Variants in SAMSN1 observed in about 807,000 individuals in gnomAD.
SAMSN1 encodes the protein SAM domain-containing protein SAMSN-1.
A neutral mutation model predicts 42.0 loss-of-function variants in SAMSN1; 31 were observed. The ratio of observed to expected loss-of-function variants is 0.74; its 90% CI spans 0.55 to 1.00. The LOEUF is 1.00. Ranked by LOEUF, SAMSN1 falls within the 50% of genes least tolerant of loss-of-function variation. The pLI is 0.00. For missense variants in SAMSN1, 464 were observed against 439.4 expected, an observed-to-expected ratio of 1.06 and a Z score of -0.50; for synonymous variants, 178 against 151.9, an observed-to-expected ratio of 1.17 and a Z score of -1.26.
At chr21:14,563,219 C>G (rs1224891814) in intron 2 of SAMSN1, among the ~76,000 whole-genome samples, 1 of 152,198 alleles carries the variant, frequency 6.6e-6, no homozygotes, top group Non-Finnish European at 1.5e-5. Flanking sequence ...AATTTAACAA[C>G]TGTAAGATAT....
At chr21:14,658,766 A>G (rs1390579799) in exon 1 of SAMSN1, 12 of 715,508 alleles carry the variant, frequency 1.7e-5, no homozygotes, top group Non-Finnish European at 3.1e-5. Flanking sequence ...TGCAGAAAAG[A>G]TTCATTTTGA....
intron 2 of SAMSN1, among the ~76,000 whole-genome samples, chr21:14,565,047 C>T (rs1246049381): frequency 2.6e-5 from 4 of 152,162 alleles, no homozygotes; most frequent in Middle Eastern, 3.4e-3. Flanking sequence ...GTAATCCCAG[C>T]ACTTTGGGAG....
intron 1 of SAMSN1, among the ~76,000 whole-genome samples, chr21:14,531,675 A>G (rs1248990869): frequency 6.6e-6 from 1 of 152,154 alleles, no homozygotes; most frequent in Non-Finnish European, 1.5e-5. Flanking sequence ...AATTCCAGTC[A>G]CTCCAGATTT....
chr21:14,625,888 G>C (rs1000120253), intron 2 of SAMSN1, among the ~76,000 whole-genome samples: 2 of 152,126 alleles, frequency 1.3e-5, no homozygotes, highest in Non-Finnish European at 2.9e-5. Flanking sequence ...ATACTACAAG[G>C]CTACAGTAAC....
chr21:14,577,267 TATATATATATA>T (rs1568816128), intron 2 of SAMSN1, among the ~76,000 whole-genome samples: 1,604 of 52,814 alleles, frequency 0.03, 104 homozygotes, highest in Non-Finnish European at 0.039. Context: ...TATATATATA[TATATATATATA>T]TATATATTTT....
chr21:14,611,083 G>GATAGGCACAT (rs1982694337), intron 4 of SAMSN1, among the ~76,000 whole-genome samples: 1 of 150,862 alleles, frequency 6.6e-6, no homozygotes, highest in Admixed American at 6.6e-5. Context: ...GTGCCACCAG[G>GATAGGCACAT]ATAGGCACAT....
At chr21:14,649,367 T>C (rs1256881207) in intron 1 of SAMSN1, among the ~76,000 whole-genome samples, 2 of 151,960 alleles carry the variant, frequency 1.3e-5, no homozygotes, top group Non-Finnish European at 2.9e-5. Context: ...GGCACATGTA[T>C]ACATATGTAA....
chr21:14,611,946 T>G (rs1344006851), intron 4 of SAMSN1, among the ~76,000 whole-genome samples: 2 of 152,012 alleles, frequency 1.3e-5, no homozygotes, highest in Non-Finnish European at 2.9e-5. Context: ...TTAAAAAAAA[T>G]TATTGAGGCC....
At chr21:14,527,926 C>T (rs916420728) in intron 1 of SAMSN1, among the ~76,000 whole-genome samples, 5 of 152,038 alleles carry the variant, frequency 3.3e-5, no homozygotes, top group Admixed American at 3.3e-4. Context: ...GTAAGTCATG[C>T]TACACTTCTG....
chr21:14,536,050 T>G (rs1429039851), intron 1 of SAMSN1, among the ~76,000 whole-genome samples: 1 of 152,218 alleles, frequency 6.6e-6, no homozygotes, highest in Non-Finnish European at 1.5e-5. Context: ...CTGCTATTAG[T>G]AATCAATTCT....
chr21:14,526,881 A>T (rs1369969183), intron 1 of SAMSN1, among the ~76,000 whole-genome samples: 1 of 152,166 alleles, frequency 6.6e-6, no homozygotes, highest in African/African-American at 2.4e-5. Context: ...TCTGAATCAA[A>T]CTTGTGATCA....
At position 14,500,518 on chromosome 21, in the gene SAMSN1, G is replaced by A. The variant is rs1987101997; in HGVS notation, c.768+11C>T. ...TGCTTCCAAAAGCAAACAGAACACA[G>A]ATTTGCTCACCTGCAGATGAATCCT... On this transcript the variant is annotated intron_variant, in intron 6 of 7. Coordinates refer to ENST00000400566, the MANE Select transcript of SAMSN1 (RefSeq NM_022136.5). 6.2e-7 allele frequency: 1 copy of A among 1,610,876 alleles called. No homozygotes were observed. Among genetic ancestry groups the A allele is most frequent in the Non-Finnish European group, 8.5e-7 (1 of 1,177,162 alleles).
chr21:14,593,071 C>A (rs893478565), intron 7 of SAMSN1, among the ~76,000 whole-genome samples: 3 of 152,070 alleles, frequency 2.0e-5, no homozygotes, highest in Non-Finnish European at 4.4e-5. Context: ...TCCTACCTAG[C>A]ACAACTTAGA....
intron 1 of SAMSN1, among the ~76,000 whole-genome samples, chr21:14,534,157 G>A (rs1221365220): frequency 6.6e-6 from 1 of 152,122 alleles, no homozygotes; most frequent in African/African-American, 2.4e-5. Context: ...ACTATCTTCT[G>A]GAGTAGACTA....
At chr21:14,586,837 C>A (rs770417305), upstream of SAMSN1, among the ~76,000 whole-genome samples, 1 of 152,126 alleles carries the variant, frequency 6.6e-6, no homozygotes, top group Non-Finnish European at 1.5e-5. Flanking sequence ...CTGAGACTTG[C>A]ATTGGAGAAA....
At chr21:14,497,967 A>G (rs927457734) in intron 7 of SAMSN1, among the ~76,000 whole-genome samples, 9 of 152,238 alleles carry the variant, frequency 5.9e-5, no homozygotes, top group African/African-American at 2.2e-4. Flanking sequence ...AAGCTATTAT[A>G]ACATTTTGAA....
At chr21:14,561,224 A>G (rs559905545) in intron 2 of SAMSN1, among the ~76,000 whole-genome samples, 57 of 152,040 alleles carry the variant, frequency 3.7e-4, no homozygotes, top group African/African-American at 1.3e-3. Context: ...CCCGAGGACC[A>G]TTTTCAACAC....
intron 1 of SAMSN1, among the ~76,000 whole-genome samples, chr21:14,536,664 A>T (rs985534318): frequency 2.0e-5 from 3 of 152,148 alleles, no homozygotes; most frequent in Non-Finnish European, 2.9e-5. Context: ...ATAAAATCCA[A>T]TGGAAAATTA....
intron 1 of SAMSN1, 139 bp downstream of exon 1, chr21:14,546,066 G>T (rs901729575): frequency 3.0e-6 from 2 of 673,800 alleles, no homozygotes; most frequent in South Asian, 2.1e-5. Context: ...TAATTTTTCC[G>T]TATTTGCCAT....
Sources: gnomAD v4.1 joint callset for allele counts (sites outside exome capture counted in the v4.1 genomes callset) on GRCh38, gnomAD v4.1.1 for gene constraint, MANE v1.5 for transcripts, NCBI Gene and HGNC (gene_info 2026-07-23, HGNC 2026-07-21) for gene names.